PCDHGA4: variants seen among roughly 807,000 people sequenced by gnomAD.
PCDHGA4 encodes protocadherin gamma subfamily A, 4.
A neutral mutation model predicts 54.6 loss-of-function variants in PCDHGA4; 38 were observed. That is an observed-to-expected ratio of 0.70 (90% CI 0.54 to 0.91). PCDHGA4 has a LOEUF of 0.91. Ranked by LOEUF, PCDHGA4 falls within the 40% of genes least tolerant of loss-of-function variation. The pLI is 0.00. For missense variants in PCDHGA4, 1,298 were observed against 1,220.9 expected, an observed-to-expected ratio of 1.06 and a Z score of -0.94; for synonymous variants, 511 against 512.9, an observed-to-expected ratio of 1.00 and a Z score of 0.05.
intron 1 of PCDHGA4, chr5:141,377,601 C>G: frequency 7.5e-6 from 1 of 133,100 alleles, no homozygotes; most frequent in South Asian, 2.3e-4. Flanking sequence ...TTCTCTCTCT[C>G]TCTCAAAAAA....
chr5:141,408,729 C>T (rs767933076), intron 1 of PCDHGA4: 9 of 1,610,240 alleles, frequency 5.6e-6, no homozygotes, highest in Non-Finnish European at 7.6e-6. Flanking sequence ...AACTCTAATC[C>T]TTATTTTTCA....
At chr5:141,501,516 C>T (rs763346187) in intron 2 of PCDHGA4, among the ~76,000 whole-genome samples, 1 of 152,010 alleles carries the variant, frequency 6.6e-6, no homozygotes, top group African/African-American at 2.4e-5. Context: ...GGCCTCCAAG[C>T]TGAAGCCCAG....
chr5:141,427,192 A>G (rs1191677237), intron 1 of PCDHGA4: 2 of 456,566 alleles, frequency 4.4e-6, no homozygotes, highest in African/African-American at 4.0e-5. Flanking sequence ...AAATCCAAAG[A>G]CTTAATAGAC....
At position 141,355,216 on chromosome 5, in the gene PCDHGA4, G is replaced by A. The variant is rs1237611423; in HGVS notation, c.109G>A (p.Ala37Thr). The change falls in exon 1 of 4, where the codon GCT becomes ACT. Residue 37 changes from alanine to threonine, a missense_variant. Physicochemically the swap from Ala to Thr is moderately conservative, Grantham distance 58. Transcript: ENST00000571252. ...RGGVVMAAPP[A>T]RPDHTRLLQI... ...CGGGGTTGTAATGGCGGCGCCTCCTGCTCGCCCAGACCACACCCGGCTGCT... is the reference window on the plus strand; with the variant it reads ...CGGGGTTGTAATGGCGGCGCCTCCTACTCGCCCAGACCACACCCGGCTGCT... The A allele has an allele frequency of 6.2e-7, 1 of 1,604,048 alleles. No individual in the cohort carries two copies. The highest frequency in any genetic ancestry group is 1.7e-5 in the Admixed American group (1 of 59,380).
intron 1 of PCDHGA4, among the ~76,000 whole-genome samples, chr5:141,469,189 T>C (rs1393685141): frequency 2.6e-5 from 4 of 151,710 alleles, no homozygotes; most frequent in African/African-American, 9.7e-5. Flanking sequence ...GGCAAGAGGA[T>C]TGCTTGAGCC....
At chr5:141,367,353 A>G (rs1305190265) in intron 1 of PCDHGA4, 2 of 152,196 alleles carry the variant, frequency 1.3e-5, no homozygotes, top group Non-Finnish European at 2.9e-5. Context: ...CCTGGCTAAC[A>G]CGGTGAAACC....
At chr5:141,402,124 A>G (rs150020541) in intron 1 of PCDHGA4, among the ~76,000 whole-genome samples, 1 of 152,254 alleles carries the variant, frequency 6.6e-6, no homozygotes, top group East Asian at 1.9e-4. Flanking sequence ...AAAATTTCCA[A>G]CTTTAATCCT....
chr5:141,482,763 T>TGC (rs2099571981), intron 1 of PCDHGA4, among the ~76,000 whole-genome samples: 1 of 127,550 alleles, frequency 7.8e-6, no homozygotes, highest in African/African-American at 3.6e-5. Flanking sequence ...GGTATTTCAT[T>TGC]ATCACTGAAC....
At chr5:141,393,251 G>C in intron 1 of PCDHGA4, 1 of 1,613,814 alleles carries the variant, frequency 6.2e-7, no homozygotes, top group South Asian at 1.1e-5. Flanking sequence ...ACGAAATCGC[G>C]GTTCCTGGAG....
At chr5:141,507,680 A>C (rs73794928) in intron 3 of PCDHGA4, among the ~76,000 whole-genome samples, 2,806 of 152,362 alleles carry the variant, frequency 0.018, 91 homozygotes, top group African/African-American at 0.063. Flanking sequence ...GATGTTAAAA[A>C]CAGAAATGAA....
intron 1 of PCDHGA4, chr5:141,415,324 G>A (rs2095854761): frequency 1.9e-6 from 3 of 1,614,108 alleles, no homozygotes; most frequent in African/African-American, 2.7e-5. Flanking sequence ...CGTGCTGCTG[G>A]CGCACAGGCT....
intron 1 of PCDHGA4, among the ~76,000 whole-genome samples, chr5:141,472,310 G>A (rs2099276586): frequency 6.6e-6 from 1 of 152,040 alleles, no homozygotes; most frequent in Non-Finnish European, 1.5e-5. Flanking sequence ...GGGAAGCCGA[G>A]GCAGGCAGAT....
chr5:141,478,521 G>A, intron 1 of PCDHGA4: 1 of 1,610,618 alleles, frequency 6.2e-7, no homozygotes, highest in Non-Finnish European at 8.5e-7. Context: ...CAGGTGTTGG[G>A]TGCAGAGAGC....
At position 141,432,640 on chromosome 5, in the gene PCDHGA4, C is replaced by T. The variant is rs2097523683; in HGVS notation, c.2515-62167C>T. On this transcript the variant is annotated intron_variant, in intron 1 of 3. Transcript: ENST00000571252. This position sits in a 1 kb window ranked among gnomAD's most constrained non-coding sequence, Gnocchi z 6.0. ...TGGGTCTGCACACGGGCGAGGTGCG[C>T]ACGGCGCGAGCCCTGCTGGACAGAG... 1.9e-6 allele frequency: 3 copies of T among 1,613,814 alleles called. No individual in the cohort carries two copies. The highest frequency in any genetic ancestry group is 2.5e-6 in the Non-Finnish European group (3 of 1,179,932).
intron 1 of PCDHGA4, among the ~76,000 whole-genome samples, chr5:141,447,895 G>A (rs931589569): frequency 1.3e-5 from 2 of 152,068 alleles, no homozygotes; most frequent in Non-Finnish European, 2.9e-5. Context: ...AGACCAGCCT[G>A]GCCAACATGG....
chr5:141,421,829 T>C, intron 1 of PCDHGA4: 1 of 1,613,784 alleles, frequency 6.2e-7, no homozygotes, highest in Non-Finnish European at 8.5e-7. Flanking sequence ...GAGGGAAGCC[T>C]GGACCGAGAG....
At chr5:141,426,830 C>A (rs559240163) in intron 1 of PCDHGA4, 301 of 456,662 alleles carry the variant, frequency 6.6e-4, no homozygotes, top group African/African-American at 5.8e-3. Flanking sequence ...TGATGATGGA[C>A]AAGACTAAAG....
At chr5:141,374,994 C>A in intron 1 of PCDHGA4, 2 of 1,614,038 alleles carry the variant, frequency 1.2e-6, no homozygotes, top group Non-Finnish European at 1.7e-6. Flanking sequence ...ATTTCAACTT[C>A]TGCAAATCTA....
chr5:141,485,242 C>A lies in PCDHGA4; in HGVS notation c.2515-9565C>A, dbSNP rs747029550. ...CTACCCTTTTGTTCCTCTTTTACCA[C>A]CTGGGTTACGTTTGTGGGCAGATCC... On this transcript the variant is annotated intron_variant, in intron 1 of 3. Transcript: ENST00000571252. This position sits in a 1 kb window ranked among gnomAD's most constrained non-coding sequence, Gnocchi z 5.7. 7.4e-5 allele frequency: 119 copies of A among 1,614,054 alleles called. No individual in the cohort carries two copies. The highest frequency in any genetic ancestry group is 3.3e-4 in the Middle Eastern group (2 of 6,084).
Sources: gnomAD v4.1 joint callset for allele counts (sites outside exome capture counted in the v4.1 genomes callset) on GRCh38, gnomAD v4.1.1 for gene constraint, Gnocchi (gnomAD v3.1) non-coding constraint, MANE v1.5 for transcripts, NCBI Gene and HGNC (gene_info 2026-07-23, HGNC 2026-07-21) for gene names.